The following MYH14 variants were observed in gnomAD, a reference collection of about 807,000 sequenced individuals.
MYH14 encodes the protein myosin heavy chain 14.
A neutral mutation model predicts 255.5 loss-of-function variants in MYH14; 123 were observed. The observed-to-expected ratio is 0.48, with a 90% CI of 0.42 to 0.56. The LOEUF is 0.56. Among genes scored for constraint, MYH14 ranks in the 20% least tolerant of loss-of-function variants. MYH14 has a pLI of 0.00. For missense variants in MYH14, 2,423 were observed against 2,802.3 expected (o/e 0.86, Z 3.06); for synonymous variants, 1,095 against 1,161.2 (o/e 0.94, Z 1.16).
At chr19:50,229,814 A>G (rs1457830898) in intron 8 of MYH14, among the ~76,000 whole-genome samples, 1 of 152,076 alleles carries the variant, frequency 6.6e-6, no homozygotes, top group African/African-American at 2.4e-5. Flanking sequence ...ATGGCAGGAG[A>G]CATTCTCACC....
At chr19:50,255,378 G>C in intron 17 of MYH14, 60 bp downstream of exon 17, 1 of 1,321,628 alleles carries the variant, frequency 7.6e-7, no homozygotes, top group Non-Finnish European at 1.1e-6. Flanking sequence ...GGACCTGTTG[G>C]GCTGGGGACC....
chr19:50,213,132 T>C (rs1223566437), intron 2 of MYH14, among the ~76,000 whole-genome samples: 1 of 152,144 alleles, frequency 6.6e-6, no homozygotes, highest in Non-Finnish European at 1.5e-5. Flanking sequence ...TTTGTATTTT[T>C]AGTAGAGTTG....
chr19:50,206,438 G>T (rs1005552784), intron 1 of MYH14, among the ~76,000 whole-genome samples: 1 of 151,904 alleles, frequency 6.6e-6, no homozygotes, highest in African/African-American at 2.4e-5. Context: ...GGGGGTGAGG[G>T]TAAAGTCCCA....
intron 40 of MYH14, among the ~76,000 whole-genome samples, chr19:50,302,315 C>T (rs1362294897): frequency 6.7e-6 from 1 of 149,456 alleles, no homozygotes; most frequent in African/African-American, 2.5e-5. Context: ...GGCACAGTGG[C>T]TCACACCTGT....
At position 50,252,221 on chromosome 19, in the gene MYH14, G is replaced by A. The variant is rs1257954503; in HGVS notation, c.1831-418G>A. 4.0e-5 allele frequency among the ~76,000 whole-genome samples: 6 copies of A among 151,466 alleles called. No homozygotes were observed. Among genetic ancestry groups the A allele is most frequent in the South Asian group, 4.2e-4 (2 of 4,816 alleles). ...GCAGAGAATTGTAGCGGCCAAGATC[G>A]TGACTCTATGGAGCCCCACAGCAAA... On this transcript the variant is annotated intron_variant, in intron 15 of 42. Coordinates refer to ENST00000642316, the MANE Select transcript of MYH14 (RefSeq NM_001145809.2). This position sits in a 1 kb window ranked among gnomAD's most constrained non-coding sequence, Gnocchi z 4.2.
chr19:50,249,495 C>CTCTG, intron 13 of MYH14, 155 bp from the exon 14 acceptor site: 1 of 822,182 alleles, frequency 1.2e-6, no homozygotes, highest in South Asian at 1.7e-5. Context: ...GTCTCTGGGT[C>CTCTG]TCTGTCCCCC....
At chr19:50,204,919 A>G (rs1182924912) in intron 1 of MYH14, among the ~76,000 whole-genome samples, 2 of 149,210 alleles carry the variant, frequency 1.3e-5, no homozygotes, top group East Asian at 3.9e-4. Context: ...TTTTTAAATC[A>G]TTTTATGATC....
At chr19:50,217,105 G>A (rs922374489) in intron 2 of MYH14, among the ~76,000 whole-genome samples, 12 of 152,018 alleles carry the variant, frequency 7.9e-5, no homozygotes, top group Admixed American at 3.3e-4. Flanking sequence ...CACCGTGCCC[G>A]GCCCTCCTCT....
At chr19:50,239,066 C>A (rs2033785661) in intron 10 of MYH14, among the ~76,000 whole-genome samples, 1 of 152,158 alleles carries the variant, frequency 6.6e-6, no homozygotes, top group Non-Finnish European at 1.5e-5. Flanking sequence ...GTCCCCCAGG[C>A]TGGAGTACAG....
intron 22 of MYH14, 34 bp downstream of exon 22, chr19:50,263,454 G>T (rs1461691408): frequency 6.7e-7 from 1 of 1,483,736 alleles, no homozygotes; most frequent in Admixed American, 2.0e-5. Flanking sequence ...CCCCAGTAGG[G>T]AGAGGATAGG....
chr19:50,302,074 T>C (rs1423943451), intron 40 of MYH14, among the ~76,000 whole-genome samples: 1 of 145,350 alleles, frequency 6.9e-6, no homozygotes, highest in East Asian at 2.0e-4. Context: ...GGCCAGGAGT[T>C]TTCAGACCAG....
chr19:50,239,563 T>TTTCTTTTTC (rs1443232910), intron 10 of MYH14, among the ~76,000 whole-genome samples: 1 of 151,816 alleles, frequency 6.6e-6, no homozygotes, highest in Non-Finnish European at 1.5e-5. Context: ...TTTTCTTCTT[T>TTTCTTTTTC]TTTTGAGACA....
chr19:50,264,054 T>A (rs1255640460), intron 22 of MYH14, among the ~76,000 whole-genome samples: 3 of 6,750 alleles, frequency 4.4e-4, no homozygotes, highest in East Asian at 3.7e-3. Context: ...AAACTCTGTC[T>A]CAAAAAAAAA....
Position 50,221,389 on chromosome 19 carries a change from G to A in MYH14, c.563-1694G>A, listed in dbSNP as rs1048328554. Reference sequence around the variant, plus strand: ...TGCCAAGTCTGAGGTCCTACTGGACGCAGCTTACTCCCTGGCTTGAAGACA... The same window carrying A: ...TGCCAAGTCTGAGGTCCTACTGGACACAGCTTACTCCCTGGCTTGAAGACA... On this transcript the variant is annotated intron_variant, in intron 3 of 42. Transcript: ENST00000642316. This position sits in a 1 kb window ranked among gnomAD's most constrained non-coding sequence, Gnocchi z 5.3. Among the ~76,000 whole-genome samples, 6 of 152,124 alleles carry A rather than the reference G, an allele frequency of 3.9e-5. No homozygotes were observed. The highest frequency in any genetic ancestry group is 2.1e-4 in the South Asian group (1 of 4,830).
At chr19:50,208,189 C>G (rs972276003) in intron 1 of MYH14, among the ~76,000 whole-genome samples, 67 of 152,096 alleles carry the variant, frequency 4.4e-4, no homozygotes, top group African/African-American at 1.5e-3. Context: ...CCCAGGCGGG[C>G]GGATCACCTG....
At chr19:50,232,778 A>C in intron 10 of MYH14, among the ~76,000 whole-genome samples, 1 of 151,766 alleles carries the variant, frequency 6.6e-6, no homozygotes, top group South Asian at 2.1e-4. Flanking sequence ...TTCCTGGCAG[A>C]GGGAACAGCC....
At chr19:50,268,745 T>TGC in intron 24 of MYH14, among the ~76,000 whole-genome samples, 1 of 151,950 alleles carries the variant, frequency 6.6e-6, no homozygotes, top group Non-Finnish European at 1.5e-5. Flanking sequence ...GATCCAGGCA[T>TGC]CCAAGTGATA....
intron 7 of MYH14, among the ~76,000 whole-genome samples, 195 bp downstream of exon 7, chr19:50,225,872 A>C (rs1480943344): frequency 2.6e-5 from 2 of 77,186 alleles, no homozygotes; most frequent in African/African-American, 1.1e-4. Flanking sequence ...GGGGGCCTGG[A>C]CTCTTGAGTC....
chr19:50,249,083 C>T lies in MYH14; in HGVS notation c.1426C>T (p.Arg476Cys), dbSNP rs755662126. 6.9e-6 allele frequency: 11 copies of T among 1,604,410 alleles called. No homozygotes were observed. The highest frequency in any genetic ancestry group is 1.6e-4 in the Middle Eastern group (1 of 6,076). ...CAACCGGGCCTTGGACCGCAGCCCC[C>T]GCCAAGGCGCCTCCTTCCTGGGCAT... ...RLNRALDRSP[R>C]QGASFLGILD... Residue 476 changes from arginine (R) to cysteine (C), a missense_variant, in exon 13 of 43, where the codon CGC (arginine) becomes TGC (cysteine). Physicochemically the swap from Arg to Cys is radical, Grantham distance 180. Transcript: ENST00000642316.
Sources: gnomAD v4.1 joint callset for allele counts (sites outside exome capture counted in the v4.1 genomes callset) on GRCh38, gnomAD v4.1.1 for gene constraint, Gnocchi (gnomAD v3.1) non-coding constraint, MANE v1.5 for transcripts, NCBI Gene and HGNC (gene_info 2026-07-23, HGNC 2026-07-21) for gene names.